SPHKAP: variants seen among roughly 807,000 people sequenced by gnomAD.
SPHKAP encodes A-kinase anchor protein SPHKAP.
Under a neutral mutation model 137.5 loss-of-function variants are expected in SPHKAP, and 67 were observed. The ratio of observed to expected loss-of-function variants is 0.49; its 90% CI spans 0.40 to 0.60. SPHKAP has a LOEUF of 0.60. Ranked by LOEUF, SPHKAP falls within the 20% of genes least tolerant of loss-of-function variation. SPHKAP has a pLI of 0.00. For missense variants in SPHKAP, 2,097 were observed against 2,069.3 expected (o/e 1.01, Z -0.26); for synonymous variants, 813 against 785.3 (o/e 1.04, Z -0.59).
chr2:228,155,224 A>ATT (rs547576482), intron 1 of SPHKAP, among the ~76,000 whole-genome samples: 3 of 144,754 alleles, frequency 2.1e-5, no homozygotes, highest in Non-Finnish European at 3.1e-5. Flanking sequence ...ACCATTGTTC[A>ATT]TTTTTTTTTT....
At chr2:228,177,322 C>G (rs1700773367) in intron 1 of SPHKAP, among the ~76,000 whole-genome samples, 2 of 151,878 alleles carry the variant, frequency 1.3e-5, no homozygotes, top group South Asian at 4.1e-4. Flanking sequence ...TAGTTCCTTT[C>G]TCTATAGGAA....
intron 3 of SPHKAP, among the ~76,000 whole-genome samples, chr2:228,074,605 G>A (rs769814254): frequency 6.6e-5 from 10 of 152,122 alleles, no homozygotes; most frequent in Non-Finnish European, 1.3e-4. Flanking sequence ...CCCTTGACAC[G>A]TGGGGATTAT....
chr2:228,003,923 T>G (rs4417703), intron 7 of SPHKAP, among the ~76,000 whole-genome samples: 3 of 151,996 alleles, frequency 2.0e-5, no homozygotes, highest in Non-Finnish European at 4.4e-5. Context: ...CACTTGATCA[T>G]GGTGATAAGC....
At chr2:227,981,971 C>G (rs1693012548) in intron 11 of SPHKAP, 111 bp from the exon 12 acceptor site, 2 of 1,394,274 alleles carry the variant, frequency 1.4e-6, no homozygotes, top group Non-Finnish European at 9.3e-7. Flanking sequence ...TTAAATGTCT[C>G]TAGTGTCAGA....
chr2:228,093,154 C>T (rs1362671183), intron 3 of SPHKAP, among the ~76,000 whole-genome samples: 4 of 152,184 alleles, frequency 2.6e-5, no homozygotes, highest in South Asian at 2.1e-4. Flanking sequence ...GTAGGGAGAT[C>T]GAAACCTTCC....
intron 7 of SPHKAP, among the ~76,000 whole-genome samples, chr2:228,015,165 G>A (rs1204165720): frequency 6.7e-6 from 1 of 148,684 alleles, no homozygotes; most frequent in Admixed American, 6.9e-5. Context: ...GTGAGAACAT[G>A]CAGTGTTTGG....
At chr2:228,149,248 A>G (rs1193003066) in intron 1 of SPHKAP, among the ~76,000 whole-genome samples, 1 of 152,208 alleles carries the variant, frequency 6.6e-6, no homozygotes, top group East Asian at 1.9e-4. Context: ...CCTGTAAGGC[A>G]TGCTCTAGTT....
intron 1 of SPHKAP, among the ~76,000 whole-genome samples, chr2:228,142,388 C>T (rs916586351): frequency 6.6e-6 from 1 of 151,642 alleles, no homozygotes; most frequent in Non-Finnish European, 1.5e-5. Context: ...CGGAGAATGG[C>T]GTGAACCTAG....
chr2:227,986,919 C>T (rs556001009), intron 11 of SPHKAP, among the ~76,000 whole-genome samples: 1 of 152,302 alleles, frequency 6.6e-6, no homozygotes, highest in African/African-American at 2.4e-5. Flanking sequence ...GACCATTAGC[C>T]ATGTGCGTGT....
intron 3 of SPHKAP, among the ~76,000 whole-genome samples, chr2:228,105,939 A>T (rs1022954154): frequency 2.6e-5 from 4 of 152,132 alleles, no homozygotes; most frequent in Non-Finnish European, 5.9e-5. Context: ...CTTTTGAAAA[A>T]CTACTGAAGA....
chr2:228,091,098 G>C (rs931101841), intron 3 of SPHKAP, among the ~76,000 whole-genome samples: 2 of 152,088 alleles, frequency 1.3e-5, no homozygotes, highest in East Asian at 3.9e-4. Flanking sequence ...GCTATTATGT[G>C]GTGTGAATAA....
intron 7 of SPHKAP, among the ~76,000 whole-genome samples, chr2:228,014,087 A>T (rs575358609): frequency 2.6e-5 from 4 of 152,322 alleles, no homozygotes; most frequent in Non-Finnish European, 4.4e-5. Flanking sequence ...AATATCAGTG[A>T]CATTTAATTC....
intron 7 of SPHKAP, among the ~76,000 whole-genome samples, chr2:227,998,861 A>G (rs1203377552): frequency 6.6e-6 from 1 of 152,172 alleles, no homozygotes; most frequent in Non-Finnish European, 1.5e-5. Flanking sequence ...ATATTTCTGC[A>G]GAGAACTCCC....
intron 1 of SPHKAP, among the ~76,000 whole-genome samples, chr2:228,160,471 A>G (rs1462800599): frequency 6.6e-6 from 1 of 152,198 alleles, no homozygotes; most frequent in Non-Finnish European, 1.5e-5. Context: ...CCTTCTTCAC[A>G]TGATGGCAGG....
At position 228,026,845 on chromosome 2, in the gene SPHKAP, G is replaced by T. The variant is rs146455734; in HGVS notation, c.306+639C>A. Among the ~76,000 whole-genome samples, 6 of 152,310 alleles carry T rather than the reference G, an allele frequency of 3.9e-5. No homozygotes were observed. The East Asian group carries it at 1.2e-3, about 29-fold the overall frequency. On this transcript the variant is annotated intron_variant, in intron 4 of 11. Transcript: ENST00000392056. ...AGTAATTGCAGGTCTACTGTTCTGT[G>T]AAAATCAAGTGGCAAATCGTGTGCT...
chr2:228,025,968 G>T, intron 4 of SPHKAP: 2 of 559,262 alleles, frequency 3.6e-6, no homozygotes, highest in Non-Finnish European at 4.5e-6. Flanking sequence ...TTGTGGGAGG[G>T]ACCTGGTGGG....
intron 1 of SPHKAP, among the ~76,000 whole-genome samples, chr2:228,146,208 C>A (rs964192987): frequency 1.3e-5 from 2 of 152,142 alleles, no homozygotes; most frequent in African/African-American, 4.8e-5. Flanking sequence ...GTCAATATCC[C>A]CAGCCATAGT....
chr2:228,108,798 A>T, intron 3 of SPHKAP, 34 bp downstream of exon 3: 1 of 1,518,798 alleles, frequency 6.6e-7, no homozygotes, highest in Non-Finnish European at 9.1e-7. Context: ...TCCCTGCTTT[A>T]TCAGACAACA....
rs1574752020 is a variant in SPHKAP, at chr2:228,017,311, G to A, written c.3543C>T (p.Pro1181=). ...SDHLSVRPSC[P]SKQSSTESIT... is the part of the protein sequence containing the mutation. Reference sequence around the variant, plus strand: ...TGCTCTCTGTGCTGGACTGCTTAGAGGGACAGCTAGGCCTCACACTGAGGT... The same window carrying A: ...TGCTCTCTGTGCTGGACTGCTTAGAAGGACAGCTAGGCCTCACACTGAGGT... Residue 1181 remains proline, a synonymous_variant, in exon 7 of 12, where the codon CCC becomes CCT. Transcript: ENST00000392056. 1 of 1,613,938 alleles carries A rather than the reference G, an allele frequency of 6.2e-7. No individual in the cohort carries two copies.
Sources: allele counts gnomAD v4.1 joint callset (sites outside exome capture counted in the v4.1 genomes callset), GRCh38; gene constraint gnomAD v4.1.1; transcripts MANE v1.5; gene names NCBI Gene and HGNC (gene_info 2026-07-23, HGNC 2026-07-21).